Variants in NTN1 observed in about 807,000 individuals in gnomAD.
NTN1 encodes netrin-1.
A neutral mutation model predicts 54.2 loss-of-function variants in NTN1; 11 were observed. The ratio of observed to expected loss-of-function variants is 0.20; its 90% CI spans 0.13 to 0.34. The LOEUF (loss-of-function observed/expected upper bound fraction) is 0.34, where lower values mean the gene tolerates loss of function less well. NTN1 is among the 10% of genes least tolerant of loss of function. The pLI, the probability that NTN1 is intolerant of heterozygous loss-of-function variation, is 1.00. For missense variants in NTN1, 740 were observed against 893.1 expected (o/e 0.83, Z 2.18); for synonymous variants, 371 against 382.0 (o/e 0.97, Z 0.33).
intron 2 of NTN1, among the ~76,000 whole-genome samples, chr17:9,025,651 G>A (rs2091867898): frequency 6.6e-6 from 1 of 152,104 alleles, no homozygotes; most frequent in South Asian, 2.1e-4. Context: ...AGATATAGCT[G>A]GGAACATCAG....
intron 2 of NTN1, among the ~76,000 whole-genome samples, chr17:9,152,778 C>T (rs563237502): frequency 1.3e-5 from 2 of 152,328 alleles, no homozygotes; most frequent in East Asian, 3.9e-4. Flanking sequence ...TAGAAATCAT[C>T]AGACGCAGAT....
At chr17:9,113,491 C>T (rs965970157) in intron 2 of NTN1, among the ~76,000 whole-genome samples, 3 of 152,076 alleles carry the variant, frequency 2.0e-5, no homozygotes, top group African/African-American at 7.2e-5. Flanking sequence ...AATGTGAATA[C>T]CACAGCTAAT....
intron 2 of NTN1, among the ~76,000 whole-genome samples, chr17:9,136,989 G>A (rs552179519): frequency 2.9e-4 from 44 of 152,286 alleles, no homozygotes; most frequent in Admixed American, 1.8e-3. Flanking sequence ...TACAGAAGTT[G>A]ACTCCTCTCT....
rs750215121 is a variant in NTN1, at chr17:9,022,688, C to G, written c.315C>G (p.Pro105=). 10 of 1,589,600 alleles carry G rather than the reference C, an allele frequency of 6.3e-6. No homozygotes were observed. Among genetic ancestry groups the G allele is most frequent in the Non-Finnish European group, 7.7e-6 (9 of 1,169,394 alleles). ...NASDPKKAHP[P]AFLTDLNNPH... is the part of the protein sequence containing the mutation. Reference sequence around the variant, plus strand: ...CCGACCCCAAGAAGGCGCACCCGCCCGCCTTCCTCACCGACCTCAACAACC... The same window carrying G: ...CCGACCCCAAGAAGGCGCACCCGCCGGCCTTCCTCACCGACCTCAACAACC... Residue 105 remains proline, a synonymous_variant, in exon 2 of 7, where the codon CCC becomes CCG. Coordinates refer to ENST00000173229, the MANE Select transcript of NTN1 (RefSeq NM_004822.3).
intron 2 of NTN1, among the ~76,000 whole-genome samples, chr17:9,040,137 A>G (rs994876293): frequency 1.3e-5 from 2 of 152,208 alleles, no homozygotes; most frequent in African/African-American, 4.8e-5. Flanking sequence ...TCTCCAGTCC[A>G]TTTCCTCATC....
rs758282081 is a variant in NTN1 at position 9,162,860 on chromosome 17, C to A, written c.1066C>A (p.Leu356Ile). The change falls in exon 3 of 7, where the codon CTC becomes ATC. Residue 356 changes from leucine (L) to isoleucine (I), a missense_variant. By Grantham distance (5) the Leu-to-Ile change is conservative. Coordinates refer to ENST00000173229, the MANE Select transcript of NTN1 (RefSeq NM_004822.3). ...HARRCRFNME[L>I]YKLSGRKSGG... ...CCGGCGCTGCCGCTTCAACATGGAG[C>A]TCTACAAGCTTTCGGGGCGCAAGAG... The A allele has an allele frequency of 6.2e-7, 1 of 1,614,072 alleles. No homozygotes were observed.
chr17:9,088,491 T>C (rs897157179), intron 2 of NTN1, among the ~76,000 whole-genome samples: 8 of 152,096 alleles, frequency 5.3e-5, no homozygotes, highest in Non-Finnish European at 7.4e-5. Flanking sequence ...CAAGCCGCTC[T>C]ATGTTCTCTG....
intron 5 of NTN1, among the ~76,000 whole-genome samples, chr17:9,203,261 C>T (rs1904863659): frequency 1.3e-5 from 2 of 152,134 alleles, no homozygotes; most frequent in East Asian, 1.9e-4. Context: ...CTCTGTTTGC[C>T]AGCTGTTCCC....
At chr17:9,014,396 A>G in the NTN1 span, among the ~76,000 whole-genome samples, 2 of 152,226 alleles carry the variant, frequency 1.3e-5, no homozygotes, top group Admixed American at 1.3e-4. Context: ...AACCTACTAT[A>G]CATTGAACAT....
chr17:9,022,035 G>T (rs1478469212), intron 1 of NTN1, among the ~76,000 whole-genome samples: 1 of 152,084 alleles, frequency 6.6e-6, no homozygotes, highest in East Asian at 1.9e-4. Flanking sequence ...CGGACGGGGA[G>T]ACCGGCTCAG....
At chr17:9,225,262 AAAAT>A (rs994493990) in intron 6 of NTN1, among the ~76,000 whole-genome samples, 6 of 141,424 alleles carry the variant, frequency 4.2e-5, no homozygotes, top group Non-Finnish European at 6.2e-5. Flanking sequence ...CTCAAAAAAA[AAAAT>A]AAATAAAAAG....
At chr17:9,124,805 G>A (rs367753075) in intron 2 of NTN1, among the ~76,000 whole-genome samples, 42 of 152,118 alleles carry the variant, frequency 2.8e-4, no homozygotes, top group African/African-American at 9.4e-4. Flanking sequence ...TGACGGCATC[G>A]GTTTACACCC....
At chr17:9,014,114 C>T in the NTN1 span, among the ~76,000 whole-genome samples, 5 of 152,256 alleles carry the variant, frequency 3.3e-5, no homozygotes, top group Admixed American at 6.5e-5. Flanking sequence ...TACAGATAAA[C>T]GACGTTGGGG....
chr17:9,049,094 G>A (rs998341293), intron 2 of NTN1, among the ~76,000 whole-genome samples: 1 of 152,134 alleles, frequency 6.6e-6, no homozygotes, highest in Admixed American at 6.6e-5. Flanking sequence ...AAGAATCACT[G>A]TCCACTGATT....
upstream of NTN1, among the ~76,000 whole-genome samples, chr17:9,019,126 G>A (rs1006326799): frequency 3.9e-5 from 6 of 152,136 alleles, no homozygotes; most frequent in Admixed American, 6.5e-5. Context: ...TGGAACTCCA[G>A]GGTGCATTGG....
At chr17:9,038,073 C>T (rs866226244) in intron 2 of NTN1, among the ~76,000 whole-genome samples, 1 of 152,132 alleles carries the variant, frequency 6.6e-6, no homozygotes, top group African/African-American at 2.4e-5. Flanking sequence ...TGAGTCTGGG[C>T]TTGAGATAGG....
At chr17:9,077,827 G>A (rs745583899) in intron 2 of NTN1, among the ~76,000 whole-genome samples, 1 of 152,148 alleles carries the variant, frequency 6.6e-6, no homozygotes, top group Non-Finnish European at 1.5e-5. Flanking sequence ...CCCTCTAAGC[G>A]GATGAGGCAG....
At chr17:9,048,536 T>A (rs1210458000) in intron 2 of NTN1, among the ~76,000 whole-genome samples, 1 of 152,212 alleles carries the variant, frequency 6.6e-6, no homozygotes, top group African/African-American at 2.4e-5. Context: ...AGCCCCTACA[T>A]AATCAGCCTG....
chr17:9,008,738 C>A, the NTN1 span, among the ~76,000 whole-genome samples: 8,599 of 152,246 alleles, frequency 0.056, 524 homozygotes, highest in African/African-American at 0.15. Context: ...GGCGGGAGAA[C>A]AAGGAAGGAA....
Sources: gnomAD v4.1 joint callset for allele counts (sites outside exome capture counted in the v4.1 genomes callset) on GRCh38, gnomAD v4.1.1 for gene constraint, MANE v1.5 for transcripts, NCBI Gene and HGNC (gene_info 2026-07-23, HGNC 2026-07-21) for gene names.